The following ADARB2 variants were observed in gnomAD, a reference collection of about 807,000 sequenced individuals.
ADARB2 encodes the protein inactive double-stranded RNA-specific editase B2.
ADARB2 carries 25 observed loss-of-function variants against 62.2 expected under a neutral mutation model. The ratio of observed to expected loss-of-function variants is 0.40; its 90% CI spans 0.29 to 0.56. The LOEUF is 0.56. Among genes scored for constraint, ADARB2 ranks in the 20% least tolerant of loss-of-function variants. ADARB2 has a pLI of 0.43. For missense variants in ADARB2, 1,071 were observed against 1,077.4 expected, an observed-to-expected ratio of 0.99 and a Z score of 0.08; for synonymous variants, 572 against 500.8, an observed-to-expected ratio of 1.14 and a Z score of -1.90.
chr10:1,253,522 ATCC>A (rs1434235413), intron 4 of ADARB2, among the ~76,000 whole-genome samples: 11 of 152,356 alleles, frequency 7.2e-5, no homozygotes, highest in Non-Finnish European at 5.9e-5. Context: ...CCATTTGTTT[ATCC>A]ATCCATTCAT....
intron 1 of ADARB2, among the ~76,000 whole-genome samples, chr10:1,425,016 AGAGT>A (rs1224627500): frequency 6.6e-6 from 1 of 152,248 alleles, no homozygotes; most frequent in African/African-American, 2.4e-5. Context: ...CCGTAACAGA[AGAGT>A]GAGTCTCTTC....
At chr10:1,725,530 G>A (rs997599129) in intron 1 of ADARB2, among the ~76,000 whole-genome samples, 2 of 152,082 alleles carry the variant, frequency 1.3e-5, no homozygotes, top group African/African-American at 4.8e-5. Context: ...TCCCCGCGCC[G>A]GGAAGAGACG....
intron 1 of ADARB2, among the ~76,000 whole-genome samples, chr10:1,489,393 C>T (rs1831591692): frequency 6.6e-6 from 1 of 152,216 alleles, no homozygotes; most frequent in Non-Finnish European, 1.5e-5. Flanking sequence ...GGAGCTTCTG[C>T]AATCAGGGCA....
At chr10:1,665,958 G>A (rs569776959) in intron 1 of ADARB2, among the ~76,000 whole-genome samples, 1 of 152,128 alleles carries the variant, frequency 6.6e-6, no homozygotes, top group Non-Finnish European at 1.5e-5. Flanking sequence ...CACTCCAAGG[G>A]CTTAGCCCGA....
At chr10:1,207,273 G>A (rs1223006717) in intron 7 of ADARB2, among the ~76,000 whole-genome samples, 1 of 152,196 alleles carries the variant, frequency 6.6e-6, no homozygotes, top group African/African-American at 2.4e-5. Context: ...TTGAACCTGG[G>A]AGGCAGAGGC....
At chr10:1,306,221 C>A (rs1831626501) in intron 3 of ADARB2, among the ~76,000 whole-genome samples, 1 of 151,610 alleles carries the variant, frequency 6.6e-6, no homozygotes, top group African/African-American at 2.4e-5. Flanking sequence ...TCTCAGGATA[C>A]AAAATCAATG....
chr10:1,327,254 CCAGCGCCTCCTCACTGCA>C (rs1194381654), intron 3 of ADARB2, among the ~76,000 whole-genome samples: 13 of 65,480 alleles, frequency 2.0e-4, no homozygotes, highest in East Asian at 4.2e-4. Context: ...TCCTCACTGC[CCAGCGCCTCCTCACTGCA>C]CAGCGCCTCC....
chr10:1,612,869 G>A (rs1377776894), intron 1 of ADARB2, among the ~76,000 whole-genome samples: 1 of 152,210 alleles, frequency 6.6e-6, no homozygotes, highest in African/African-American at 2.4e-5. Flanking sequence ...CTGATCTTGA[G>A]GATAAGTGTG....
intron 1 of ADARB2, among the ~76,000 whole-genome samples, chr10:1,417,944 A>C (rs1199047955): frequency 6.6e-6 from 1 of 152,258 alleles, no homozygotes; most frequent in Non-Finnish European, 1.5e-5. Context: ...AGAGATCTGC[A>C]TATTTGTTTA....
At chr10:1,734,177 C>T (rs1835270663) in intron 1 of ADARB2, among the ~76,000 whole-genome samples, 1 of 151,806 alleles carries the variant, frequency 6.6e-6, no homozygotes, top group African/African-American at 2.4e-5. Context: ...AGTAAAATAA[C>T]AGAAGTAGGA....
At chr10:1,476,328 G>T (rs1477826388) in intron 1 of ADARB2, among the ~76,000 whole-genome samples, 2 of 152,208 alleles carry the variant, frequency 1.3e-5, no homozygotes, top group African/African-American at 4.8e-5. Flanking sequence ...TCTGGCAAGG[G>T]CCCTTGGCAG....
intron 1 of ADARB2, among the ~76,000 whole-genome samples, chr10:1,480,466 AGGCG>A: frequency 6.6e-6 from 1 of 152,376 alleles, no homozygotes; most frequent in Non-Finnish European, 1.5e-5. Flanking sequence ...TGGGAGGCCA[AGGCG>A]GGCGGGTCAC....
At chr10:1,304,607 A>G (rs1442574662) in intron 3 of ADARB2, among the ~76,000 whole-genome samples, 1 of 151,356 alleles carries the variant, frequency 6.6e-6, no homozygotes, top group Non-Finnish European at 1.5e-5. Context: ...CTATTCCAAA[A>G]TTGACCACAT....
rs1836657021 is a variant in ADARB2 at position 1,180,462 on chromosome 10, T to A, written c.*2731A>T. ...CTGGGGCTGTGGGAATCCTGGGACC[T>A]GGCCCCTTCGGGCACTCCTGGCACT... On this transcript the variant is annotated 3_prime_UTR_variant, in exon 10 of 10. Coordinates refer to ENST00000381312, the MANE Select transcript of ADARB2 (RefSeq NM_018702.4). The A allele has an allele frequency of 6.6e-6, 1 of 152,528 alleles. No homozygotes were observed. Among genetic ancestry groups the A allele is most frequent in the Admixed American group, 6.5e-5 (1 of 15,296 alleles). 9.4% of individuals were successfully genotyped at this position (152,528 alleles called of 1,614,324 possible).
rs538726955 is a variant in ADARB2 at position 1,473,220 on chromosome 10, C to T, written c.101-94060G>A. On this transcript the variant is annotated intron_variant, in intron 1 of 9. Transcript: ENST00000381312. ...TCTGAAGATTTTAAATAAACTCTCACTCCTGCTCTAAAACTTGCCTCGGTC... is the reference window on the plus strand; with the variant it reads ...TCTGAAGATTTTAAATAAACTCTCATTCCTGCTCTAAAACTTGCCTCGGTC... Among the ~76,000 whole-genome samples, 4 of 152,328 alleles carry T rather than the reference C, an allele frequency of 2.6e-5. No homozygotes were observed. In the South Asian group the frequency reaches 6.2e-4, roughly 24 times the overall value.
chr10:1,605,231 G>C (rs924691960), intron 1 of ADARB2, among the ~76,000 whole-genome samples: 1 of 152,216 alleles, frequency 6.6e-6, no homozygotes, highest in East Asian at 1.9e-4. Flanking sequence ...TGTGGCCTCA[G>C]TGGGTCCCTG....
At position 1,363,430 on chromosome 10, in the gene ADARB2, C is replaced by G. The variant is rs1372251095; in HGVS notation, c.675G>C (p.Gln225His). The G allele has an allele frequency of 1.4e-6, 2 of 1,397,948 alleles. No individual in the cohort carries two copies. The highest frequency in any genetic ancestry group is 1.5e-5 in the African/African-American group (1 of 65,614). The allele number at this position is 1,397,948 out of a possible 1,614,324, so 86.6% of individuals were successfully genotyped here. ...DQADFPDTLF[Q>H]EFEPPAPRPG... ...GGCGCGGCGCCGGGGGCTCGAACTCCTGGAAGAGCGTGTCGGGGAAATCGG... is the reference window on the plus strand; with the variant it reads ...GGCGCGGCGCCGGGGGCTCGAACTCGTGGAAGAGCGTGTCGGGGAAATCGG... Residue 225 changes from glutamine to histidine, a missense_variant, in exon 3 of 10, where the codon CAG becomes CAC. By Grantham distance (24) the Gln-to-His change is conservative (BLOSUM62 0). Transcript: ENST00000381312.
chr10:1,376,372 G>A (rs1832429519), intron 2 of ADARB2, among the ~76,000 whole-genome samples: 1 of 152,192 alleles, frequency 6.6e-6, no homozygotes. Context: ...CATTAGCATG[G>A]AGGCTCTGAG....
intron 1 of ADARB2, among the ~76,000 whole-genome samples, chr10:1,707,947 T>A (rs1057428558): frequency 6.6e-6 from 1 of 152,176 alleles, no homozygotes; most frequent in Non-Finnish European, 1.5e-5. Flanking sequence ...CCATTTTTTC[T>A]CATCATGAAA....
Sources: gnomAD v4.1 joint callset for allele counts (sites outside exome capture counted in the v4.1 genomes callset) on GRCh38, gnomAD v4.1.1 for gene constraint, MANE v1.5 for transcripts, NCBI Gene and HGNC (gene_info 2026-07-23, HGNC 2026-07-21) for gene names.